The following DOK6 variants were observed in gnomAD, a reference collection of about 807,000 sequenced individuals.
The protein encoded by DOK6 is downstream of tyrosine kinase 6.
A neutral mutation model predicts 44.0 loss-of-function variants in DOK6; 22 were observed. The ratio of observed to expected loss-of-function variants is 0.50; its 90% confidence interval spans 0.36 to 0.71. The LOEUF is 0.71. Ranked by LOEUF, DOK6 falls within the 30% of genes least tolerant of loss-of-function variation. DOK6 has a pLI of 0.00. For synonymous variants in DOK6, 166 were observed against 145.5 expected, an observed-to-expected ratio of 1.14 and a Z score of -1.01; for missense variants, 340 against 416.4, an observed-to-expected ratio of 0.82 and a Z score of 1.60.
intron 5 of DOK6, among the ~76,000 whole-genome samples, chr18:69,725,740 G>T (rs1231221395): frequency 6.6e-6 from 1 of 152,138 alleles, no homozygotes. Context: ...GCCCACCTTG[G>T]CCTCCCAAAG....
At chr18:69,756,738 G>T (rs1979367342) in intron 6 of DOK6, among the ~76,000 whole-genome samples, 1 of 152,162 alleles carries the variant, frequency 6.6e-6, no homozygotes, top group Admixed American at 6.5e-5. Context: ...ACCAGGCACG[G>T]GGTGTGCAGG....
chr18:69,735,353 C>CAA (rs1325775098), intron 5 of DOK6, among the ~76,000 whole-genome samples: 2 of 152,206 alleles, frequency 1.3e-5, no homozygotes, highest in Non-Finnish European at 2.9e-5. Context: ...CCCTCCAGCT[C>CAA]AATACTCCTC....
chr18:69,436,149 G>T (rs1428659997), intron 1 of DOK6, among the ~76,000 whole-genome samples: 1 of 148,626 alleles, frequency 6.7e-6, no homozygotes, highest in Non-Finnish European at 1.5e-5. Flanking sequence ...TCTTTGTCTT[G>T]ATACATATAC....
intron 1 of DOK6, among the ~76,000 whole-genome samples, chr18:69,538,741 C>T (rs75191115): frequency 0.084 from 12,841 of 152,108 alleles, 962 homozygotes; most frequent in East Asian, 0.25. Flanking sequence ...TATTTCCTCT[C>T]TAGTTACTCT....
chr18:69,416,641 A>T (rs1978347190), intron 1 of DOK6, among the ~76,000 whole-genome samples: 1 of 152,056 alleles, frequency 6.6e-6, no homozygotes, highest in Non-Finnish European at 1.5e-5. Flanking sequence ...ATATGCTCAA[A>T]TCCTACTTCC....
intron 7 of DOK6, among the ~76,000 whole-genome samples, chr18:69,762,193 A>G (rs545237557): frequency 2.0e-4 from 31 of 151,812 alleles, no homozygotes; most frequent in African/African-American, 7.3e-4. Flanking sequence ...ATACATACAT[A>G]TTGCAGGGTA....
At chr18:69,463,586 A>T (rs1979844808) in intron 1 of DOK6, among the ~76,000 whole-genome samples, 1 of 152,050 alleles carries the variant, frequency 6.6e-6, no homozygotes. Context: ...TTGAGAGAGA[A>T]CTCCACAGAG....
intron 5 of DOK6, among the ~76,000 whole-genome samples, chr18:69,728,140 A>C (rs1213043869): frequency 6.6e-6 from 1 of 151,968 alleles, no homozygotes; most frequent in Non-Finnish European, 1.5e-5. Context: ...CTGCTCTTTG[A>C]CTCCAGTCCT....
intron 1 of DOK6, among the ~76,000 whole-genome samples, chr18:69,552,842 G>T (rs1194768662): frequency 6.6e-6 from 1 of 152,252 alleles, no homozygotes; most frequent in East Asian, 1.9e-4. Flanking sequence ...AATTATGAAA[G>T]TGGAACTCTT....
chr18:69,803,689 C>T lies in DOK6; in HGVS notation c.857-37555C>T, dbSNP rs1168264333. 5.3e-5 allele frequency among the ~76,000 whole-genome samples: 8 copies of T among 152,116 alleles called. No homozygotes were observed. The East Asian group carries it at 9.7e-4, about 18-fold the overall frequency. On this transcript the variant is annotated intron_variant, in intron 7 of 7. Coordinates refer to ENST00000382713, the MANE Select transcript of DOK6 (RefSeq NM_152721.6). Reference sequence around the variant, plus strand: ...CATCCTGGCCAATATGGTGAAACCCCGTCTCTACTAAAAATACAAAAAAGC... The same window carrying T: ...CATCCTGGCCAATATGGTGAAACCCTGTCTCTACTAAAAATACAAAAAAGC...
At chr18:69,800,228 A>G (rs898664994) in intron 7 of DOK6, among the ~76,000 whole-genome samples, 23 of 152,052 alleles carry the variant, frequency 1.5e-4, no homozygotes, top group Non-Finnish European at 4.4e-5. Flanking sequence ...TCCTTTAGAT[A>G]CTCTGCTTAC....
rs79724782 is a variant in DOK6 at position 69,665,680 on chromosome 18, G to A, written c.290-12054G>A. On this transcript the variant is annotated intron_variant, in intron 3 of 7. Coordinates refer to ENST00000382713, the MANE Select transcript of DOK6 (RefSeq NM_152721.6). ...AGGATGATTTATAAGCTCCAAAAGC[G>A]ATTGACTTTTTTAGAGAAGTTTTGG... Among the ~76,000 whole-genome samples the A allele has an allele frequency of 5.4e-4, 83 of 152,324 alleles. 1 individual carries two copies. The East Asian group carries it at 0.013, about 24-fold the overall frequency.
At chr18:69,441,882 G>A (rs1185698242) in intron 1 of DOK6, among the ~76,000 whole-genome samples, 2 of 152,102 alleles carry the variant, frequency 1.3e-5, no homozygotes, top group Non-Finnish European at 2.9e-5. Flanking sequence ...AGACAATAAG[G>A]CATTTTGGAT....
At chr18:69,706,799 C>A (rs1188522332) in intron 5 of DOK6, among the ~76,000 whole-genome samples, 1 of 150,368 alleles carries the variant, frequency 6.7e-6, no homozygotes, top group African/African-American at 2.5e-5. Context: ...TTTTTTTGTC[C>A]TTGTGATACT....
At chr18:69,702,476 G>A (rs764163957) in intron 5 of DOK6, among the ~76,000 whole-genome samples, 2 of 152,094 alleles carry the variant, frequency 1.3e-5, no homozygotes, top group African/African-American at 2.4e-5. Flanking sequence ...AGGAAATCCT[G>A]AGCCTGTACA....
At chr18:69,758,634 G>A (rs985240542) in intron 7 of DOK6, among the ~76,000 whole-genome samples, 1 of 152,160 alleles carries the variant, frequency 6.6e-6, no homozygotes, top group African/African-American at 2.4e-5. Context: ...ACTGGAGGAA[G>A]CAAGAAACTA....
rs112256969 is a variant in DOK6 at position 69,432,294 on chromosome 18, C to T, written c.66+30984C>T. ...CCTGTCTCTACAAAAAATTAAAAAC[C>T]TTAGCCAGAAGTGCTGGTATACATC... On this transcript the variant is annotated intron_variant, in intron 1 of 7. Transcript: ENST00000382713. 1.6e-3 allele frequency among the ~76,000 whole-genome samples: 244 copies of T among 152,136 alleles called. 1 individual carries two copies. The highest frequency in any genetic ancestry group is 5.7e-3 in the African/African-American group (236 of 41,500).
chr18:69,425,459 T>C (rs1401680326), intron 1 of DOK6, among the ~76,000 whole-genome samples: 1 of 151,994 alleles, frequency 6.6e-6, no homozygotes, highest in Non-Finnish European at 1.5e-5. Flanking sequence ...TTCCCTGTTT[T>C]TCATTATATT....
At chr18:69,523,796 G>A (rs116298535) in intron 1 of DOK6, among the ~76,000 whole-genome samples, 18 of 151,900 alleles carry the variant, frequency 1.2e-4, no homozygotes, top group African/African-American at 3.9e-4. Flanking sequence ...CACCAATAAT[G>A]TGTGTCATGC....
Sources: allele counts gnomAD v4.1 joint callset (sites outside exome capture counted in the v4.1 genomes callset), GRCh38; gene constraint gnomAD v4.1.1; transcripts MANE v1.5; gene names NCBI Gene and HGNC (gene_info 2026-07-23, HGNC 2026-07-21).